Variants in HMCN2 observed in about 807,000 individuals in gnomAD.
HMCN2 encodes the protein hemicentin-2.
Under a neutral mutation model 377.5 loss-of-function variants are expected in HMCN2, and 325 were observed. That is an observed-to-expected ratio of 0.86 (90% confidence interval 0.79 to 0.94). The LOEUF (loss-of-function observed/expected upper bound fraction) is 0.94. Among genes scored for constraint, HMCN2 ranks in the 40% least tolerant of loss-of-function variants. The pLI, the probability that HMCN2 is intolerant of heterozygous loss-of-function variation, is 0.00. For synonymous variants in HMCN2, 2,007 were observed against 2,046.8 expected, an observed-to-expected ratio of 0.98 and a Z score of 0.53; for missense variants, 4,543 against 4,725.3, an observed-to-expected ratio of 0.96 and a Z score of 1.13.
intron 15 of HMCN2, among the ~76,000 whole-genome samples, chr9:130,315,117 C>T (rs1837462104): frequency 2.0e-5 from 3 of 150,786 alleles, no homozygotes; most frequent in Non-Finnish European, 3.0e-5. Context: ...TCAGCAGCCT[C>T]ACCTGCAAGC....
At chr9:130,400,753 C>A in intron 76 of HMCN2, 30 bp from the exon 77 acceptor site, 1 of 1,265,744 alleles carries the variant, frequency 7.9e-7, no homozygotes, top group Non-Finnish European at 1.0e-6. Flanking sequence ...TGCCCGCCGG[C>A]AGGGCCTCAA....
Position 130,384,479 on chromosome 9 carries a change from G to A in HMCN2, c.8937G>A (p.Thr2979=), listed in dbSNP as rs1053467946. The A allele has an allele frequency of 1.5e-4, 195 of 1,304,140 alleles. No homozygotes were observed. Among genetic ancestry groups the A allele is most frequent in the Non-Finnish European group, 2.0e-4 (193 of 988,962 alleles). The allele number at this position is 1,304,140 out of a possible 1,614,324, so 80.8% of individuals were successfully genotyped here. Residue 2979 remains threonine (T), a synonymous_variant, in exon 58 of 98, where the codon ACG becomes ACA. Transcript: ENST00000683500. ...DVHAHPNPEV[T]WYKDSQALSL... ...ACGCTCACCCAAACCCCGAGGTCAC[G>A]TGGTACAAGGACAGCCAGGCCCTCT...
chr9:130,397,378 C>A (rs756828693), intron 73 of HMCN2, 150 bp from the exon 74 acceptor site: 3 of 647,322 alleles, frequency 4.6e-6, no homozygotes, highest in Non-Finnish European at 6.7e-6. Context: ...ATGGGAGCTA[C>A]AAGATGAGAT....
intron 15 of HMCN2, among the ~76,000 whole-genome samples, chr9:130,313,143 G>T (rs1837356567): frequency 6.9e-6 from 1 of 145,954 alleles, no homozygotes; most frequent in Non-Finnish European, 1.6e-5. Context: ...TGGGTCTGGG[G>T]TGAGCTGGTC....
chr9:130,293,697 G>T (rs1554930899), intron 4 of HMCN2, among the ~76,000 whole-genome samples: 1 of 152,158 alleles, frequency 6.6e-6, no homozygotes, highest in East Asian at 1.9e-4. Context: ...TGCCTCCTGA[G>T]CACTCACTCT....
intron 1 of HMCN2, among the ~76,000 whole-genome samples, chr9:130,283,390 C>T (rs1052684054): frequency 6.6e-6 from 1 of 152,162 alleles, no homozygotes; most frequent in Non-Finnish European, 1.5e-5. Context: ...CCGTCATTCT[C>T]GTCTTGTCTG....
intron 1 of HMCN2, among the ~76,000 whole-genome samples, chr9:130,266,782 C>A (rs1384543184): frequency 6.6e-6 from 1 of 152,200 alleles, no homozygotes; most frequent in Non-Finnish European, 1.5e-5. Context: ...CTCCTTCTTC[C>A]CTGCACGCTG....
intron 86 of HMCN2, among the ~76,000 whole-genome samples, chr9:130,420,458 G>T (rs1381903152): frequency 6.6e-6 from 1 of 151,970 alleles, no homozygotes; most frequent in East Asian, 1.9e-4. Flanking sequence ...TGTTCTGTAG[G>T]GCTACTGGTA....
rs868258834 is a variant in HMCN2 at position 130,349,013 on chromosome 9, G to A, written c.4185G>A (p.Leu1395=). 7.7e-7 allele frequency: 1 copy of A among 1,304,172 alleles called. No individual in the cohort carries two copies. Among genetic ancestry groups the A allele is most frequent in the Non-Finnish European group, 1.0e-6 (1 of 988,914 alleles). The allele number at this position is 1,304,172 out of a possible 1,614,324, so 80.8% of individuals were successfully genotyped here. A position where few individuals can be genotyped will look rare whatever the true frequency, so the allele number is the denominator to read the frequency against. The change falls in exon 28 of 98, where the codon CTG becomes CTA. Residue 1395 remains leucine, a synonymous_variant. Transcript: ENST00000683500. ...LIPKVGGHRL[L]DEGQSLHFPR... is the part of the protein sequence containing the mutation. ...CTAAGGTGGGCGGCCACCGCCTCCT[G>A]GACGAGGGCCAGTCCCTCCACTTCC...
chr9:130,369,226 A>G lies in HMCN2; in HGVS notation c.6788-344A>G, dbSNP rs1370732288. On this transcript the variant is annotated intron_variant, in intron 44 of 97. Coordinates refer to ENST00000683500, the MANE Select transcript of HMCN2 (RefSeq NM_001291815.2). This position sits in a 1 kb window ranked among gnomAD's most constrained non-coding sequence, Gnocchi z 4.5. ...AAAACCAGGAACAGTGCTGTTCAAC[A>G]TCTTGAGGAGAAACCCACCCGTAGA... 1.3e-5 allele frequency among the ~76,000 whole-genome samples: 2 copies of G among 152,234 alleles called. No homozygotes were observed. Among genetic ancestry groups the G allele is most frequent in the African/African-American group, 4.8e-5 (2 of 41,478 alleles).
chr9:130,294,931 A>T lies in HMCN2; in HGVS notation c.689A>T (p.Glu230Val). Residue 230 changes from glutamate to valine, a missense_variant, in exon 5 of 98, where the codon GAG (glutamate) becomes GTG (valine). By Grantham distance (121) the Glu-to-Val change is moderately radical. Transcript: ENST00000683500. ...TCCACAGACCACGAGGAGGAGGGGGAGCACACATGGAGACTCCCCTTTGAC... is the reference window on the plus strand; with the variant it reads ...TCCACAGACCACGAGGAGGAGGGGGTGCACACATGGAGACTCCCCTTTGAC... ...LLSTDHEEEGEHTWRLPFDPS... is the reference protein window; with the variant it reads ...LLSTDHEEEGVHTWRLPFDPS... 2.1e-6 allele frequency: 1 copy of T among 470,286 alleles called. No homozygotes were observed. 29.1% of individuals were successfully genotyped at this position (470,286 alleles called of 1,614,324 possible).
intron 87 of HMCN2, among the ~76,000 whole-genome samples, chr9:130,424,509 G>A (rs182656619): frequency 2.6e-5 from 4 of 152,112 alleles, no homozygotes; most frequent in African/African-American, 9.6e-5. Context: ...TTTATTTTTT[G>A]TAGAGACAGA....
chr9:130,342,906 T>TG (rs1444166084), intron 25 of HMCN2, among the ~76,000 whole-genome samples: 1 of 152,158 alleles, frequency 6.6e-6, no homozygotes, highest in Non-Finnish European at 1.5e-5. Flanking sequence ...GAGCACGGTG[T>TG]GGGGCCGATA....
chr9:130,390,080 G>T (rs922438657), intron 62 of HMCN2, among the ~76,000 whole-genome samples: 11 of 152,160 alleles, frequency 7.2e-5, no homozygotes, highest in Non-Finnish European at 1.3e-4. Context: ...ATCGCCTCTC[G>T]CGGGTCAGGT....
At chr9:130,281,098 GTCT>G (rs1275248520) in intron 1 of HMCN2, among the ~76,000 whole-genome samples, 1 of 91,726 alleles carries the variant, frequency 1.1e-5, no homozygotes, top group Non-Finnish European at 1.9e-5. Context: ...GCGAGACTCT[GTCT>G]GAAAAAAAAA....
chr9:130,432,652 C>T (rs929613720), intron 97 of HMCN2, 97 bp downstream of exon 97: 3 of 1,313,952 alleles, frequency 2.3e-6, no homozygotes, highest in Non-Finnish European at 3.1e-6. Context: ...ACTCCCCACA[C>T]AAGTGATGCA....
At chr9:130,411,598 C>CAAA (rs35719589) in intron 85 of HMCN2, among the ~76,000 whole-genome samples, 38 of 97,584 alleles carry the variant, frequency 3.9e-4, no homozygotes, top group East Asian at 1.7e-3. Context: ...GACTCAATCT[C>CAAA]AAAAAAAAAA....
chr9:130,283,105 G>T (rs1835217787), intron 1 of HMCN2, among the ~76,000 whole-genome samples: 1 of 151,946 alleles, frequency 6.6e-6, no homozygotes. Flanking sequence ...TACATAGGGT[G>T]CACTGAGGAC....
chr9:130,267,476 A>ACACACACGCG (rs1265312371), intron 1 of HMCN2, among the ~76,000 whole-genome samples: 6 of 149,934 alleles, frequency 4.0e-5, no homozygotes, highest in East Asian at 3.9e-4. Flanking sequence ...ACACACACAC[A>ACACACACGCG]CGCACAGATT....
Sources: gnomAD v4.1 joint callset for allele counts (sites outside exome capture counted in the v4.1 genomes callset) on GRCh38, gnomAD v4.1.1 for gene constraint, Gnocchi (gnomAD v3.1) non-coding constraint, MANE v1.5 for transcripts, NCBI Gene and HGNC (gene_info 2026-07-23, HGNC 2026-07-21) for gene names.